Variants in SGSM1 observed in about 807,000 individuals in gnomAD.
SGSM1 encodes RUN and TBC1 domain containing 2.
SGSM1 carries 73 observed loss-of-function variants against 133.8 expected under a neutral mutation model. The ratio of observed to expected loss-of-function variants is 0.55; its 90% CI spans 0.45 to 0.66. The LOEUF is 0.66. SGSM1 is among the 30% of genes least tolerant of loss of function. SGSM1 has a pLI of 0.00. For synonymous variants in SGSM1, 563 were observed against 573.0 expected, an observed-to-expected ratio of 0.98 and a Z score of 0.25; for missense variants, 1,213 against 1,448.1, an observed-to-expected ratio of 0.84 and a Z score of 2.64.
At chr22:24,850,574 T>G (rs1930399092) in intron 5 of SGSM1, 142 bp downstream of exon 5, 2 of 1,240,776 alleles carry the variant, frequency 1.6e-6, no homozygotes, top group Non-Finnish European at 1.1e-6. Flanking sequence ...GCTTGGAAAC[T>G]TGGGTAGATT....
At chr22:24,917,850 C>A in intron 23 of SGSM1, 96 bp downstream of exon 23, 1 of 880,156 alleles carries the variant, frequency 1.1e-6, no homozygotes, top group Non-Finnish European at 1.8e-6. Flanking sequence ...GGGTTGGCAA[C>A]AGAGGCAGCA....
intron 2 of SGSM1, 141 bp from the exon 3 acceptor site, chr22:24,844,756 G>A: frequency 3.3e-6 from 2 of 614,538 alleles, no homozygotes; most frequent in Non-Finnish European, 5.6e-6. Context: ...AGGCGAGGAG[G>A]GGGAAGGAAA....
intron 2 of SGSM1, among the ~76,000 whole-genome samples, chr22:24,822,734 A>C (rs1928555568): frequency 6.6e-6 from 1 of 152,116 alleles, no homozygotes; most frequent in Non-Finnish European, 1.5e-5. Context: ...GTTTGGTTTC[A>C]GAGGGCTAAG....
intron 2 of SGSM1, among the ~76,000 whole-genome samples, chr22:24,814,563 C>G (rs1386603296): frequency 1.3e-5 from 2 of 151,870 alleles, no homozygotes; most frequent in Non-Finnish European, 2.9e-5. Context: ...AAGGCCACAA[C>G]AGCAAGGGCC....
intron 23 of SGSM1, 85 bp downstream of exon 23, chr22:24,917,839 G>A: frequency 1.7e-6 from 2 of 1,147,686 alleles, no homozygotes; most frequent in South Asian, 2.9e-5. Context: ...GTGAGGTTGA[G>A]GGGTTGGCAA....
rs1014838855 is a variant in SGSM1 at position 24,823,704 on chromosome 22, G to A, written c.63+17220G>A. Among the ~76,000 whole-genome samples, 4 of 152,150 alleles carry A rather than the reference G, an allele frequency of 2.6e-5. No individual in the cohort carries two copies. The East Asian group carries it at 5.8e-4, about 22-fold the overall frequency. ...TCCCAGCACTTTGGGAGGCCAAGGC[G>A]GGTGGATCACTTGAGGCCAGGAGTT... On this transcript the variant is annotated intron_variant, in intron 2 of 24. Coordinates refer to ENST00000400358, the MANE Select transcript of SGSM1 (RefSeq NM_001098497.3).
At chr22:24,825,386 C>T (rs1218225593) in intron 2 of SGSM1, among the ~76,000 whole-genome samples, 1 of 152,054 alleles carries the variant, frequency 6.6e-6, no homozygotes, top group Non-Finnish European at 1.5e-5. Flanking sequence ...TGAGTCACCC[C>T]CTCTTCTCCC....
chr22:24,886,935 A>G (rs963358386), intron 16 of SGSM1, among the ~76,000 whole-genome samples: 5 of 152,196 alleles, frequency 3.3e-5, no homozygotes, highest in African/African-American at 1.2e-4. Context: ...CTAAGTGTAG[A>G]TTATGCAGTT....
intron 2 of SGSM1, among the ~76,000 whole-genome samples, chr22:24,819,426 T>A (rs1305322914): frequency 6.6e-6 from 1 of 152,214 alleles, no homozygotes; most frequent in African/African-American, 2.4e-5. Flanking sequence ...CCAGACAGTA[T>A]GCTATGCACT....
At chr22:24,855,141 A>T in intron 6 of SGSM1, 78 bp downstream of exon 6, 1 of 1,555,502 alleles carries the variant, frequency 6.4e-7, no homozygotes, top group South Asian at 1.2e-5. Flanking sequence ...GGACTCTCTC[A>T]CCCCTGTCCA....
chr22:24,895,978 G>T (rs1282971667), intron 18 of SGSM1, among the ~76,000 whole-genome samples: 1 of 152,182 alleles, frequency 6.6e-6, no homozygotes, highest in African/African-American at 2.4e-5. Flanking sequence ...GGGCCCAGGA[G>T]GTTGAGGCTG....
chr22:24,877,852 C>CT (rs1932108654), intron 13 of SGSM1, among the ~76,000 whole-genome samples: 1 of 137,706 alleles, frequency 7.3e-6, no homozygotes, highest in Non-Finnish European at 1.5e-5. Context: ...TTTCTGTCGC[C>CT]CAGGCTGGAG....
At chr22:24,900,452 T>C (rs1933114135) in intron 19 of SGSM1, among the ~76,000 whole-genome samples, 1 of 151,216 alleles carries the variant, frequency 6.6e-6, no homozygotes, top group African/African-American at 2.4e-5. Flanking sequence ...CAGGCTGGAG[T>C]GCAATGGCGT....
intron 19 of SGSM1, among the ~76,000 whole-genome samples, chr22:24,900,111 G>T (rs1315188386): frequency 6.6e-6 from 1 of 151,302 alleles, no homozygotes; most frequent in Non-Finnish European, 1.5e-5. Flanking sequence ...TCACCTCCTG[G>T]GCTCAAGCAA....
In SGSM1 at chr22:24,898,050, G is replaced by A. The variant is rs781201434; in HGVS notation, c.2101G>A (p.Gly701Arg). The A allele has an allele frequency of 6.2e-7, 1 of 1,613,890 alleles. No individual in the cohort carries two copies. Among genetic ancestry groups the A allele is most frequent in the East Asian group, 2.2e-5 (1 of 44,872 alleles). Residue 701 changes from glycine to arginine, a missense_variant, in exon 19 of 25, where the codon GGG becomes AGG. By Grantham distance (125) the Gly-to-Arg change is moderately radical. Transcript: ENST00000400358. ...LEEKQPKIPNGNLVNGTCSPD... is the reference protein window; with the variant it reads ...LEEKQPKIPNRNLVNGTCSPD... ...GGAGAAACAGCCCAAGATCCCCAAT[G>A]GGAACCTAGTGAACGGCACTTGTTC...
intron 16 of SGSM1, among the ~76,000 whole-genome samples, chr22:24,891,725 G>T (rs16979194): frequency 6.6e-6 from 1 of 152,024 alleles, no homozygotes; most frequent in Admixed American, 6.6e-5. Flanking sequence ...AGGCAACCCC[G>T]AGGGCTGCAG....
chr22:24,829,349 AAG>A (rs1487448478), intron 2 of SGSM1, among the ~76,000 whole-genome samples: 60 of 152,250 alleles, frequency 3.9e-4, no homozygotes, highest in African/African-American at 1.3e-3. Flanking sequence ...TATGGACACA[AAG>A]AGGGGAGCAG....
At chr22:24,923,772 G>T (rs184987370) in intron 24 of SGSM1, among the ~76,000 whole-genome samples, 1 of 152,034 alleles carries the variant, frequency 6.6e-6, no homozygotes, top group African/African-American at 2.4e-5. Flanking sequence ...ACAGGCATGC[G>T]CCACCACACC....
intron 12 of SGSM1, among the ~76,000 whole-genome samples, chr22:24,872,125 T>C (rs756467350): frequency 7.9e-5 from 12 of 152,210 alleles, no homozygotes; most frequent in Non-Finnish European, 1.2e-4. Flanking sequence ...AAGTATTTAC[T>C]GTCAGGCTTT....
Sources: gnomAD v4.1 joint callset for allele counts (sites outside exome capture counted in the v4.1 genomes callset) on GRCh38, gnomAD v4.1.1 for gene constraint, MANE v1.5 for transcripts, NCBI Gene and HGNC (gene_info 2026-07-23, HGNC 2026-07-21) for gene names.